CNTN3: variants seen among roughly 807,000 people sequenced by gnomAD.
CNTN3 encodes contactin 3.
Under a neutral mutation model 119.1 loss-of-function variants are expected in CNTN3, and 60 were observed. That is an observed-to-expected ratio of 0.50 (90% confidence interval 0.41 to 0.62). The LOEUF is 0.62. CNTN3 is among the 20% of genes least tolerant of loss of function. CNTN3 has a pLI of 0.00. For missense variants in CNTN3, 1,101 were observed against 1,242.4 expected, an observed-to-expected ratio of 0.89 and a Z score of 1.71; for synonymous variants, 450 against 438.7, an observed-to-expected ratio of 1.03 and a Z score of -0.32.
intron 13 of CNTN3, among the ~76,000 whole-genome samples, chr3:74,319,053 G>T (rs919704962): frequency 3.9e-5 from 6 of 152,148 alleles, no homozygotes; most frequent in African/African-American, 1.4e-4. Flanking sequence ...TTGCTCATGG[G>T]TAGGAAGAAT....
intron 12 of CNTN3, among the ~76,000 whole-genome samples, chr3:74,335,506 G>C (rs777196572): frequency 2.0e-5 from 3 of 151,982 alleles, no homozygotes; most frequent in Non-Finnish European, 4.4e-5. Context: ...AAATTCTCTT[G>C]ACCCCATTTT....
intron 19 of CNTN3, among the ~76,000 whole-genome samples, chr3:74,290,106 G>T (rs1442542579): frequency 6.6e-6 from 1 of 152,132 alleles, no homozygotes; most frequent in African/African-American, 2.4e-5. Flanking sequence ...ACAGTTATGT[G>T]TTACGATGAC....
At chr3:74,593,996 T>C (rs569904463) in intron 1 of CNTN3, among the ~76,000 whole-genome samples, 22 of 151,982 alleles carry the variant, frequency 1.4e-4, no homozygotes, top group South Asian at 4.1e-4. Context: ...ACAGAGGGGA[T>C]TGAAGATGTA....
chr3:74,336,203 T>A (rs1387919729), intron 12 of CNTN3, among the ~76,000 whole-genome samples: 1 of 151,962 alleles, frequency 6.6e-6, no homozygotes, highest in Non-Finnish European at 1.5e-5. Context: ...AAATCAACTA[T>A]AATGAAAAAA....
At chr3:74,347,518 G>C (rs1476470126) in intron 11 of CNTN3, among the ~76,000 whole-genome samples, 2 of 152,152 alleles carry the variant, frequency 1.3e-5, no homozygotes, top group Admixed American at 6.5e-5. Flanking sequence ...TAGGATTATA[G>C]GTGTGAGCCA....
At chr3:74,466,428 T>A (rs1383111718) in intron 4 of CNTN3, among the ~76,000 whole-genome samples, 3 of 152,186 alleles carry the variant, frequency 2.0e-5, no homozygotes, top group Non-Finnish European at 2.9e-5. Context: ...GAAGAAAGTA[T>A]GATAATGAAA....
intron 4 of CNTN3, among the ~76,000 whole-genome samples, chr3:74,430,199 G>A (rs573926103): frequency 8.5e-5 from 13 of 152,196 alleles, no homozygotes; most frequent in South Asian, 4.1e-4. Flanking sequence ...ATAAAAGTTC[G>A]CAGAGTTTTA....
At chr3:74,376,413 C>T (rs1376695209) in intron 5 of CNTN3, among the ~76,000 whole-genome samples, 5 of 152,096 alleles carry the variant, frequency 3.3e-5, no homozygotes, top group Non-Finnish European at 7.4e-5. Context: ...TCAGCAGCAG[C>T]ATTAGATTCT....
At chr3:74,314,176 A>AG (rs1296900101) in intron 13 of CNTN3, among the ~76,000 whole-genome samples, 4 of 152,200 alleles carry the variant, frequency 2.6e-5, no homozygotes, top group African/African-American at 9.6e-5. Flanking sequence ...CTATGAAATG[A>AG]GAAAAAAAGC....
intron 4 of CNTN3, among the ~76,000 whole-genome samples, chr3:74,479,907 G>A (rs1048080207): frequency 6.6e-6 from 1 of 152,040 alleles, no homozygotes; most frequent in African/African-American, 2.4e-5. Context: ...AATTTTGGTT[G>A]ACTTAAGTAT....
intron 4 of CNTN3, among the ~76,000 whole-genome samples, chr3:74,458,085 G>T (rs969529951): frequency 2.0e-5 from 3 of 152,066 alleles, no homozygotes; most frequent in African/African-American, 7.2e-5. Flanking sequence ...GAGACAAACT[G>T]TCACCCTCAG....
intron 4 of CNTN3, among the ~76,000 whole-genome samples, chr3:74,455,427 A>G (rs1020185777): frequency 2.6e-5 from 4 of 151,890 alleles, no homozygotes; most frequent in South Asian, 2.1e-4. Context: ...AAAGTTTTTA[A>G]CTTCTTTGCC....
At chr3:74,351,927 G>A (rs150488516) in intron 11 of CNTN3, among the ~76,000 whole-genome samples, 23 of 152,286 alleles carry the variant, frequency 1.5e-4, no homozygotes, top group African/African-American at 5.5e-4. Context: ...GCTGAAAGCA[G>A]AAGAGAAATA....
chr3:74,285,515 A>G (rs993766119), intron 19 of CNTN3, 24 bp from the exon 20 acceptor site: 2 of 1,574,868 alleles, frequency 1.3e-6, no homozygotes, highest in Admixed American at 1.9e-5. Flanking sequence ...GACACCAAAC[A>G]TGTGAAGGCT....
intron 1 of CNTN3, among the ~76,000 whole-genome samples, chr3:74,590,285 A>T (rs1217062286): frequency 6.6e-6 from 1 of 151,988 alleles, no homozygotes; most frequent in Non-Finnish European, 1.5e-5. Flanking sequence ...TGCAACCAGA[A>T]GTATACTTTC....
intron 4 of CNTN3, among the ~76,000 whole-genome samples, chr3:74,455,322 C>A (rs1279356480): frequency 1.3e-5 from 2 of 151,972 alleles, no homozygotes; most frequent in Non-Finnish European, 2.9e-5. Flanking sequence ...GAATTTTTCA[C>A]GTAGTTCTCG....
At chr3:74,372,055 ATCC>A (rs1704353416) in intron 5 of CNTN3, among the ~76,000 whole-genome samples, 1 of 152,066 alleles carries the variant, frequency 6.6e-6, no homozygotes, top group Non-Finnish European at 1.5e-5. Context: ...CTCTCCTTTA[ATCC>A]TCCTTCTCTG....
At chr3:74,265,442 C>A (rs1701645959) in intron 22 of CNTN3, among the ~76,000 whole-genome samples, 1 of 152,128 alleles carries the variant, frequency 6.6e-6, no homozygotes, top group Non-Finnish European at 1.5e-5. Context: ...AAATTAACAA[C>A]AATAATAAAC....
chr3:74,285,837 A>ATC (rs1184328158), intron 19 of CNTN3, among the ~76,000 whole-genome samples: 2 of 135,506 alleles, frequency 1.5e-5, no homozygotes, highest in African/African-American at 5.4e-5. Context: ...ATATATATAT[A>ATC]TAAAATTAAA....
Sources: gnomAD v4.1 joint callset for allele counts (sites outside exome capture counted in the v4.1 genomes callset) on GRCh38, gnomAD v4.1.1 for gene constraint, MANE v1.5 for transcripts, NCBI Gene and HGNC (gene_info 2026-07-23, HGNC 2026-07-21) for gene names.